WBP1L: variants seen among roughly 807,000 people sequenced by gnomAD.
WBP1L encodes the protein WW domain binding protein 1 like.
A neutral mutation model predicts 33.7 loss-of-function variants in WBP1L; 17 were observed. The observed-to-expected ratio is 0.50, with a 90% CI of 0.34 to 0.76. The LOEUF is 0.76. WBP1L is among the 30% of genes least tolerant of loss of function. The pLI, the probability that WBP1L is intolerant of heterozygous loss-of-function variation, is 0.01. For synonymous variants in WBP1L, 173 were observed against 190.8 expected, an observed-to-expected ratio of 0.91 and a Z score of 0.77; for missense variants, 389 against 469.4, an observed-to-expected ratio of 0.83 and a Z score of 1.58.
chr10:102,759,950 C>T (rs886784715), intron 1 of WBP1L, among the ~76,000 whole-genome samples: 13 of 152,192 alleles, frequency 8.5e-5, no homozygotes, highest in African/African-American at 3.1e-4. Flanking sequence ...CCAGACTTTT[C>T]TGAAGCAGCT....
At chr10:102,804,419 TAAAA>T (rs143565698) in intron 2 of WBP1L, among the ~76,000 whole-genome samples, 33,174 of 137,750 alleles carry the variant, frequency 0.24, 4,211 homozygotes, top group Non-Finnish European at 0.29. Flanking sequence ...CTTTTTTTTT[TAAAA>T]AAAAAATTAT....
intron 1 of WBP1L, among the ~76,000 whole-genome samples, chr10:102,769,362 T>C (rs1316321214): frequency 3.4e-5 from 5 of 148,970 alleles, no homozygotes; most frequent in Admixed American, 1.3e-4. Context: ...TTTTCTTTCT[T>C]TTTTTTTTTT....
chr10:102,809,432 C>T (rs904380164), intron 2 of WBP1L, among the ~76,000 whole-genome samples: 10 of 151,294 alleles, frequency 6.6e-5, no homozygotes, highest in South Asian at 4.2e-4. Context: ...AGTGCAGTGG[C>T]GCAATCTTGG....
intron 1 of WBP1L, among the ~76,000 whole-genome samples, chr10:102,769,374 T>TA (rs1292027754): frequency 6.6e-6 from 1 of 151,280 alleles, no homozygotes; most frequent in African/African-American, 2.4e-5. Flanking sequence ...TTTTTTTTTT[T>TA]ACTGGAAGCT....
intron 1 of WBP1L, among the ~76,000 whole-genome samples, chr10:102,756,490 G>A (rs1442435938): frequency 1.3e-5 from 2 of 152,004 alleles, no homozygotes; most frequent in East Asian, 3.9e-4. Context: ...ATATACTGTG[G>A]ACTAATTTCC....
At chr10:102,772,558 CTTTTTTTTTTTT>C (rs34624231) in intron 1 of WBP1L, among the ~76,000 whole-genome samples, 13 of 64,714 alleles carry the variant, frequency 2.0e-4, no homozygotes, top group Non-Finnish European at 2.5e-4. Context: ...ATGCCCGGCC[CTTTTTTTTTTTT>C]TTTTTTTTTT....
chr10:102,813,438 G>C lies in WBP1L; in HGVS notation c.*107G>C. The C allele has an allele frequency of 7.1e-7, 1 of 1,417,626 alleles. No individual in the cohort carries two copies. Among genetic ancestry groups the C allele is most frequent in the Non-Finnish European group, 9.3e-7 (1 of 1,073,538 alleles). 87.8% of individuals were successfully genotyped at this position (1,417,626 alleles called of 1,614,324 possible). A position where few individuals can be genotyped will look rare whatever the true frequency, so the allele number is the denominator to read the frequency against. On this transcript the variant is annotated 3_prime_UTR_variant, in exon 4 of 4. Transcript: ENST00000448841. ...AAAGACTTTCAGAGTACAGCCACTTGGTTCCTTTTTGTTTGTTTTCCTTCT... is the reference window on the plus strand; with the variant it reads ...AAAGACTTTCAGAGTACAGCCACTTCGTTCCTTTTTGTTTGTTTTCCTTCT...
chr10:102,784,185 A>G (rs1843376969), intron 1 of WBP1L, among the ~76,000 whole-genome samples: 1 of 152,150 alleles, frequency 6.6e-6, no homozygotes, highest in Non-Finnish European at 1.5e-5. Context: ...CCCCAGGAGG[A>G]GAGGATCTCA....
At chr10:102,762,504 C>T (rs576802833) in intron 1 of WBP1L, among the ~76,000 whole-genome samples, 2 of 152,180 alleles carry the variant, frequency 1.3e-5, no homozygotes, top group Non-Finnish European at 2.9e-5. Flanking sequence ...CTTCCAATCC[C>T]AGCATTCTCA....
chr10:102,771,870 G>A (rs184259454), intron 1 of WBP1L, among the ~76,000 whole-genome samples: 51 of 152,234 alleles, frequency 3.4e-4, no homozygotes, highest in African/African-American at 1.1e-3. Context: ...TACTATCTCT[G>A]GGGGTTCTCT....
At chr10:102,801,587 C>A (rs1007758569) in intron 2 of WBP1L, among the ~76,000 whole-genome samples, 1 of 152,202 alleles carries the variant, frequency 6.6e-6, no homozygotes, top group Non-Finnish European at 1.5e-5. Context: ...CCACTCCTCC[C>A]TGTTCTCATC....
intron 1 of WBP1L, among the ~76,000 whole-genome samples, chr10:102,793,819 C>T (rs1246799350): frequency 6.6e-6 from 1 of 151,866 alleles, no homozygotes; most frequent in African/African-American, 2.4e-5. Context: ...CCCAGGCTAG[C>T]GTGCAGTGGT....
At chr10:102,769,256 G>T (rs1037643563) in intron 1 of WBP1L, among the ~76,000 whole-genome samples, 2 of 152,178 alleles carry the variant, frequency 1.3e-5, no homozygotes, top group Non-Finnish European at 2.9e-5. Flanking sequence ...AAGTGTTGGG[G>T]AACCACTGTG....
intron 1 of WBP1L, among the ~76,000 whole-genome samples, chr10:102,793,774 C>CT (rs533691764): frequency 0.031 from 4,588 of 146,122 alleles, 97 homozygotes; most frequent in East Asian, 0.067. Flanking sequence ...CCAGCTCACT[C>CT]TTTTTTTTTT....
At position 102,795,329 on chromosome 10, in the gene WBP1L, G is replaced by T. The variant is rs79651858; in HGVS notation, c.91-2664G>T. On this transcript the variant is annotated intron_variant, in intron 1 of 3. Coordinates refer to ENST00000448841, the MANE Select transcript of WBP1L (RefSeq NM_001083913.2). ...TGACGATATTTTCAATTTATGATGGGTTTACCAGAACATGACCCCATCGTA... is the reference window on the plus strand; with the variant it reads ...TGACGATATTTTCAATTTATGATGGTTTTACCAGAACATGACCCCATCGTA... 7.9e-3 allele frequency among the ~76,000 whole-genome samples: 1,204 copies of T among 152,260 alleles called. 11 individuals are homozygous for T. The highest frequency in any genetic ancestry group is 0.028 in the African/African-American group (1,154 of 41,536).
At chr10:102,793,955 G>C (rs1211517731) in intron 1 of WBP1L, among the ~76,000 whole-genome samples, 1 of 151,858 alleles carries the variant, frequency 6.6e-6, no homozygotes, top group Non-Finnish European at 1.5e-5. Flanking sequence ...TATTTTTTTG[G>C]TTGAGATGGG....
chr10:102,773,417 C>T (rs1843217257), intron 1 of WBP1L, among the ~76,000 whole-genome samples: 3 of 152,036 alleles, frequency 2.0e-5, no homozygotes, highest in Admixed American at 2.0e-4. Context: ...TAAAAATAGA[C>T]GAATGCTGAT....
intron 1 of WBP1L, among the ~76,000 whole-genome samples, chr10:102,752,038 G>A (rs951151392): frequency 6.6e-6 from 1 of 152,196 alleles, no homozygotes; most frequent in African/African-American, 2.4e-5. Flanking sequence ...TTTTGCAAGT[G>A]ACTTTCTTTA....
chr10:102,751,688 C>T lies in WBP1L; in HGVS notation c.90+7545C>T, dbSNP rs1017237078. On this transcript the variant is annotated intron_variant, in intron 1 of 3. Coordinates refer to ENST00000448841, the MANE Select transcript of WBP1L (RefSeq NM_001083913.2). ...TACATATTGGAGGATACTGATCTAA[C>T]AACTTTCCAGAGTAGGGATTTGGTA... Among the ~76,000 whole-genome samples the T allele has an allele frequency of 2.6e-5, 4 of 152,182 alleles. No individual in the cohort carries two copies. In the East Asian group the frequency reaches 7.7e-4, roughly 29 times the overall value.
Sources: allele counts gnomAD v4.1 joint callset (sites outside exome capture counted in the v4.1 genomes callset), GRCh38; gene constraint gnomAD v4.1.1; transcripts MANE v1.5; gene names NCBI Gene and HGNC (gene_info 2026-07-23, HGNC 2026-07-21).